The following PLXDC2 variants were observed in gnomAD, a reference collection of about 807,000 sequenced individuals.
PLXDC2 encodes the protein plexin domain-containing protein 2.
Under a neutral mutation model 68.9 loss-of-function variants are expected in PLXDC2, and 40 were observed. That is an observed-to-expected ratio of 0.58 (90% CI 0.45 to 0.76). The LOEUF (loss-of-function observed/expected upper bound fraction) is 0.76. Among genes scored for constraint, PLXDC2 ranks in the 30% least tolerant of loss-of-function variants. The probability of loss-of-function intolerance (pLI) is 0.00; values close to 1 mark genes in which losing one functional copy is unlikely to be tolerated. For synonymous variants in PLXDC2, 243 were observed against 234.2 expected (o/e 1.04, Z -0.34); for missense variants, 644 against 661.9 (o/e 0.97, Z 0.30).
chr10:19,828,592 A>G (rs1254255064), intron 1 of PLXDC2, among the ~76,000 whole-genome samples: 3 of 152,156 alleles, frequency 2.0e-5, no homozygotes, highest in East Asian at 3.9e-4. Context: ...TCTGTTGTTC[A>G]TTTCAGATAT....
chr10:20,001,713 T>A (rs545766125), intron 1 of PLXDC2, 62 bp from the exon 2 acceptor site: 1 of 1,464,776 alleles, frequency 6.8e-7, no homozygotes, highest in Admixed American at 1.8e-5. Flanking sequence ...CTCGAGCCGA[T>A]AGCACTTGCA....
intron 9 of PLXDC2, among the ~76,000 whole-genome samples, chr10:20,182,105 G>A (rs1408161730): frequency 2.0e-5 from 3 of 150,340 alleles, no homozygotes; most frequent in East Asian, 2.0e-4. Flanking sequence ...GTGTGTGAAT[G>A]AAGTTTATTG....
chr10:20,279,590 T>C (rs1245146082), intron 13 of PLXDC2, 113 bp from the exon 14 acceptor site: 1 of 789,806 alleles, frequency 1.3e-6, no homozygotes, highest in Non-Finnish European at 2.1e-6. Flanking sequence ...TAAGAGATAA[T>C]TTAATGTGTT....
chr10:19,927,879 G>A (rs1368501830), intron 1 of PLXDC2, among the ~76,000 whole-genome samples: 1 of 152,030 alleles, frequency 6.6e-6, no homozygotes, highest in East Asian at 1.9e-4. Context: ...TCGTACAGTG[G>A]TAAAGTGCAC....
intron 1 of PLXDC2, among the ~76,000 whole-genome samples, chr10:19,945,237 C>T (rs760803018): frequency 2.6e-5 from 4 of 151,960 alleles, no homozygotes; most frequent in African/African-American, 4.8e-5. Flanking sequence ...ATTTCTTGGC[C>T]CTTTAAAGGC....
chr10:20,173,601 C>G (rs1283733391), intron 7 of PLXDC2, among the ~76,000 whole-genome samples: 1 of 152,160 alleles, frequency 6.6e-6, no homozygotes, highest in African/African-American at 2.4e-5. Flanking sequence ...CATTTTCTCT[C>G]TGTGTGTTAA....
chr10:20,160,677 A>T (rs1283324486), intron 6 of PLXDC2, among the ~76,000 whole-genome samples: 1 of 152,162 alleles, frequency 6.6e-6, no homozygotes, highest in Non-Finnish European at 1.5e-5. Context: ...ATCTAAATCT[A>T]GGTAATTTAT....
chr10:20,243,199 G>C (rs1040140435), intron 12 of PLXDC2, among the ~76,000 whole-genome samples: 1 of 152,168 alleles, frequency 6.6e-6, no homozygotes, highest in Non-Finnish European at 1.5e-5. Context: ...AGGCCAGACT[G>C]CTGGTGTGTG....
chr10:19,905,770 C>T (rs1833147337), intron 1 of PLXDC2, among the ~76,000 whole-genome samples: 1 of 152,000 alleles, frequency 6.6e-6, no homozygotes, highest in African/African-American at 2.4e-5. Context: ...AGACTTTTTT[C>T]CTGGTGTCGT....
At chr10:20,192,303 G>T (rs1834777070) in intron 9 of PLXDC2, among the ~76,000 whole-genome samples, 2 of 151,930 alleles carry the variant, frequency 1.3e-5, no homozygotes, top group African/African-American at 4.8e-5. Flanking sequence ...GCCCTTCCTG[G>T]CCTACTCTAA....
At chr10:20,051,682 T>C (rs1269322879) in intron 3 of PLXDC2, among the ~76,000 whole-genome samples, 1 of 151,940 alleles carries the variant, frequency 6.6e-6, no homozygotes, top group Non-Finnish European at 1.5e-5. Flanking sequence ...CTCCCGTGCT[T>C]TTATTTATTA....
chr10:20,233,429 A>C (rs2131880731), intron 12 of PLXDC2, among the ~76,000 whole-genome samples: 1 of 152,154 alleles, frequency 6.6e-6, no homozygotes, highest in South Asian at 2.1e-4. Context: ...AATAATGATA[A>C]AATTATCTAG....
intron 4 of PLXDC2, among the ~76,000 whole-genome samples, chr10:20,105,250 C>T (rs1030653312): frequency 1.1e-4 from 16 of 152,042 alleles, no homozygotes; most frequent in African/African-American, 2.4e-4. Flanking sequence ...GTTCCAGAAA[C>T]GTTTTACATG....
intron 1 of PLXDC2, among the ~76,000 whole-genome samples, chr10:19,966,166 A>G (rs1335747633): frequency 6.9e-6 from 1 of 145,796 alleles, no homozygotes; most frequent in Non-Finnish European, 1.5e-5. Flanking sequence ...ACGCACACAT[A>G]TACATGTGTA....
chr10:19,937,556 A>G (rs1193216887), intron 1 of PLXDC2, among the ~76,000 whole-genome samples: 1 of 80,740 alleles, frequency 1.2e-5, no homozygotes, highest in African/African-American at 5.0e-5. Context: ...ATATATATAT[A>G]TATATATATA....
At chr10:20,182,103 A>ATGTGTG (rs1834614026) in intron 9 of PLXDC2, among the ~76,000 whole-genome samples, 1 of 100,418 alleles carries the variant, frequency 1.0e-5, no homozygotes, top group Non-Finnish European at 1.9e-5. Flanking sequence ...GTGTGTGTGA[A>ATGTGTG]TGAAGTTTAT....
chr10:19,826,655 A>T (rs1245634894), intron 1 of PLXDC2, among the ~76,000 whole-genome samples: 1 of 152,224 alleles, frequency 6.6e-6, no homozygotes, highest in African/African-American at 2.4e-5. Flanking sequence ...TTAAACTAGC[A>T]TAGGATATTA....
chr10:20,150,897 A>C (rs763325460), intron 6 of PLXDC2, among the ~76,000 whole-genome samples: 46 of 152,130 alleles, frequency 3.0e-4, no homozygotes, highest in Non-Finnish European at 1.2e-4. Flanking sequence ...AAGTTCCACT[A>C]TGGTTTTCCT....
rs1053445539 is a variant in PLXDC2, at chr10:19,816,999, C to G, written c.-81C>G. ...ACCGAGACCGATCCGCAGCGTTTGGCCCGGTCGTGCCTATTGCATCGGGAG... is the reference window on the plus strand; with the variant it reads ...ACCGAGACCGATCCGCAGCGTTTGGGCCGGTCGTGCCTATTGCATCGGGAG... On this transcript the variant is annotated 5_prime_UTR_variant, in exon 1 of 14. Transcript: ENST00000377252. 1 of 1,042,246 alleles carries G rather than the reference C, an allele frequency of 9.6e-7. No individual in the cohort carries two copies. Among genetic ancestry groups the G allele is most frequent in the Non-Finnish European group, 1.4e-6 (1 of 701,610 alleles). The allele number at this position is 1,042,246 out of a possible 1,614,324, so 64.6% of individuals were successfully genotyped here. A position where few individuals can be genotyped will look rare whatever the true frequency, so the allele number is the denominator to read the frequency against.
Sources: allele counts gnomAD v4.1 joint callset (sites outside exome capture counted in the v4.1 genomes callset), GRCh38; gene constraint gnomAD v4.1.1; transcripts MANE v1.5; gene names NCBI Gene and HGNC (gene_info 2026-07-23, HGNC 2026-07-21).